The following CCR8 variants were observed in gnomAD, a reference collection of about 807,000 sequenced individuals.
CCR8 encodes the protein C-C motif chemokine receptor 8.
For synonymous variants in CCR8, 156 were observed against 165.7 expected, an observed-to-expected ratio of 0.94 and a Z score of 0.45; for missense variants, 358 against 417.5, an observed-to-expected ratio of 0.86 and a Z score of 1.24.
Position 39,332,736 on chromosome 3 carries a change from TGTC to T in CCR8, c.406_408del (p.Val136del). The T allele has an allele frequency of 6.2e-7, 1 of 1,614,192 alleles. No individual in the cohort carries two copies. The highest frequency in any genetic ancestry group is 8.5e-7 in the Non-Finnish European group (1 of 1,180,024). The stretch of plus-strand genomic sequence containing the variant: ...TGAGTGTGGACAGGTACCTGGCTGT[TGTC>T]CATGCCGTGTATGCCCTAAAGGTGA... On this transcript the variant is annotated inframe_deletion, in exon 2 of 2. Coordinates refer to ENST00000326306, the MANE Select transcript of CCR8 (RefSeq NM_005201.4).
At chr3:39,331,820 ATTTT>A (rs57593683) in intron 1 of CCR8, among the ~76,000 whole-genome samples, 2 of 93,986 alleles carry the variant, frequency 2.1e-5, no homozygotes, top group Non-Finnish European at 4.0e-5. Flanking sequence ...TTTAATTTTA[ATTTT>A]TTTTTTTTTT....
In CCR8 at chr3:39,332,888, T is replaced by A. The variant is rs748992203; in HGVS notation, c.557T>A (p.Phe186Tyr). 5 of 1,614,054 alleles carry A rather than the reference T, an allele frequency of 3.1e-6. No individual in the cohort carries two copies. In the African/African-American group the frequency reaches 6.7e-5, roughly 22 times the overall value. The change falls in exon 2 of 2, where the codon TTT becomes TAT. Residue 186 changes from phenylalanine to tyrosine, a missense_variant. By Grantham distance (22) the Phe-to-Tyr change is conservative. Transcript: ENST00000326306. ...GATGGTGTTCTACAGTGTTATTCATTTTACAATCAACAGACTTTGAAGTGG... is the reference window on the plus strand; with the variant it reads ...GATGGTGTTCTACAGTGTTATTCATATTACAATCAACAGACTTTGAAGTGG... ...SEDGVLQCYS[F>Y]YNQQTLKWKI... is the part of the protein sequence containing the mutation.
chr3:39,332,888 T>C lies in CCR8; in HGVS notation c.557T>C (p.Phe186Ser). ...GATGGTGTTCTACAGTGTTATTCAT[T>C]TTACAATCAACAGACTTTGAAGTGG... Reference protein sequence around the residue: ...SEDGVLQCYSFYNQQTLKWKI... With the variant: ...SEDGVLQCYSSYNQQTLKWKI... The change falls in exon 2 of 2, where the codon TTT (phenylalanine) becomes TCT (serine). Residue 186 changes from phenylalanine (F) to serine (S), a missense_variant. By Grantham distance (155) the Phe-to-Ser change is radical (BLOSUM62 -2). Coordinates refer to ENST00000326306, the MANE Select transcript of CCR8 (RefSeq NM_005201.4). 1 of 1,614,172 alleles carries C rather than the reference T, an allele frequency of 6.2e-7. No homozygotes were observed. The highest frequency in any genetic ancestry group is 8.5e-7 in the Non-Finnish European group (1 of 1,180,020).
chr3:39,332,208 C>CATGTGTTG, intron 1 of CCR8, 110 bp from the exon 2 acceptor site: 1 of 668,340 alleles, frequency 1.5e-6, no homozygotes, highest in Non-Finnish European at 2.6e-6. Context: ...TTGAGCACTT[C>CATGTGTTG]AACACATGAA....
intron 1 of CCR8, among the ~76,000 whole-genome samples, chr3:39,331,201 T>A (rs2041252575): frequency 1.3e-5 from 2 of 152,318 alleles, no homozygotes; most frequent in South Asian, 4.1e-4. Flanking sequence ...TTGGTTTACA[T>A]AACAAAATAC....
rs778736867 is a variant in CCR8, at chr3:39,332,527, C to T, written c.196C>T (p.Leu66=). 1.2e-6 allele frequency: 2 copies of T among 1,614,168 alleles called. No homozygotes were observed. The highest frequency in any genetic ancestry group is 4.5e-5 in the East Asian group (2 of 44,888). ...CCTGGTCCTTGTGGTCTGCAAGAAGCTGAGGAGCATCACAGATGTATACCT... is the reference window on the plus strand; with the variant it reads ...CCTGGTCCTTGTGGTCTGCAAGAAGTTGAGGAGCATCACAGATGTATACCT... The part of the protein sequence containing the change: ...VILVLVVCKK[L]RSITDVYLLN... The change falls in exon 2 of 2, where the codon CTG becomes TTG. Residue 66 remains leucine, a synonymous_variant. Transcript: ENST00000326306.
Position 39,333,250 on chromosome 3 carries a change from T to C in CCR8, c.919T>C (p.Phe307Leu), listed in dbSNP as rs761183744. Residue 307 changes from phenylalanine (F) to leucine (L), a missense_variant, in exon 2 of 2, where the codon TTC becomes CTC. Physicochemically the swap from Phe to Leu is conservative, Grantham distance 22. Transcript: ENST00000326306. ...PVIYAFVGEK[F>L]KKHLSEIFQK... Reference sequence around the variant, plus strand: ...TATCTATGCTTTTGTTGGGGAGAAGTTCAAGAAACACCTCTCAGAAATATT... The same window carrying C: ...TATCTATGCTTTTGTTGGGGAGAAGCTCAAGAAACACCTCTCAGAAATATT... The C allele has an allele frequency of 1.2e-6, 2 of 1,613,946 alleles. No homozygotes were observed. Among genetic ancestry groups the C allele is most frequent in the South Asian group, 2.2e-5 (2 of 91,078 alleles).
intron 1 of CCR8, among the ~76,000 whole-genome samples, chr3:39,331,278 G>A (rs1286877457): frequency 6.6e-6 from 1 of 152,148 alleles, no homozygotes; most frequent in Non-Finnish European, 1.5e-5. Context: ...GGAAGTCCAA[G>A]ACCAAGCTGC....
chr3:39,332,365 G>GT lies in CCR8; in HGVS notation c.35dup (p.Thr13AspfsTer7). On this transcript the variant is annotated frameshift_variant, in exon 2 of 2. Coordinates refer to ENST00000326306, the MANE Select transcript of CCR8 (RefSeq NM_005201.4). LOFTEE classifies it low-confidence loss of function (END_TRUNC). ...TACACTTGACCTCAGTGTGACAACA[G>GT]TGACCGACTACTACTACCCTGATAT... 6.2e-7 allele frequency: 1 copy of GT among 1,614,026 alleles called. No individual in the cohort carries two copies. The highest frequency in any genetic ancestry group is 2.2e-5 in the East Asian group (1 of 44,890).
chr3:39,331,802 T>C (rs1468172559), intron 1 of CCR8, among the ~76,000 whole-genome samples: 1 of 123,414 alleles, frequency 8.1e-6, no homozygotes, highest in Non-Finnish European at 1.9e-5. Context: ...TAACCTTTTT[T>C]TTTTTTTTTT....
At position 39,333,028 on chromosome 3, in the gene CCR8, A is replaced by G. The variant is rs748932787; in HGVS notation, c.697A>G (p.Lys233Glu). ...HQLKRCQNHN[K>E]TKAIRLVLIV... The stretch of plus-strand genomic sequence containing the variant: ...GCTGAAGAGGTGTCAAAACCACAAC[A>G]AGACCAAGGCCATCAGGTTGGTGCT... Residue 233 changes from lysine (K) to glutamate (E), a missense_variant, in exon 2 of 2, where the codon AAG (lysine) becomes GAG (glutamate). Coordinates refer to ENST00000326306, the MANE Select transcript of CCR8 (RefSeq NM_005201.4). 6 of 1,614,112 alleles carry G rather than the reference A, an allele frequency of 3.7e-6. No individual in the cohort carries two copies. In the Admixed American group the frequency reaches 6.7e-5, roughly 18 times the overall value.
Sources: gnomAD v4.1 joint callset for allele counts (sites outside exome capture counted in the v4.1 genomes callset) on GRCh38, gnomAD v4.1.1 for gene constraint, MANE v1.5 for transcripts, NCBI Gene and HGNC (gene_info 2026-07-23, HGNC 2026-07-21) for gene names.